Variants in DAB2IP observed in about 807,000 individuals in gnomAD.
DAB2IP encodes DAB2 interacting protein, also known as disabled homolog 2-interacting protein.
Under a neutral mutation model 107.2 loss-of-function variants are expected in DAB2IP, and 28 were observed. The ratio of observed to expected loss-of-function variants is 0.26; its 90% CI spans 0.19 to 0.36. The LOEUF is 0.36. Among genes scored for constraint, DAB2IP ranks in the 10% least tolerant of loss-of-function variants. DAB2IP has a pLI of 1.00. For missense variants in DAB2IP, 1,400 were observed against 1,644.7 expected (o/e 0.85, Z 2.57); for synonymous variants, 755 against 706.4 (o/e 1.07, Z -1.09).
At chr9:121,693,864 C>T (rs1276579828) in intron 2 of DAB2IP, among the ~76,000 whole-genome samples, 2 of 152,192 alleles carry the variant, frequency 1.3e-5, no homozygotes, top group Admixed American at 6.5e-5. Flanking sequence ...CTCAGTGCTT[C>T]GTATTCAGTT....
chr9:121,617,006 T>A (rs576959111), intron 1 of DAB2IP, among the ~76,000 whole-genome samples: 1 of 152,042 alleles, frequency 6.6e-6, no homozygotes, highest in Admixed American at 6.5e-5. Flanking sequence ...GGGGCCTGGG[T>A]GACTGGAGAG....
intron 1 of DAB2IP, among the ~76,000 whole-genome samples, chr9:121,629,479 G>T (rs1359394952): frequency 6.6e-6 from 1 of 152,218 alleles, no homozygotes. Flanking sequence ...AGAGGGTGGT[G>T]GTGGGTATGG....
At chr9:121,774,442 G>A in intron 13 of DAB2IP, 30 bp downstream of exon 13, 1 of 1,565,674 alleles carries the variant, frequency 6.4e-7, no homozygotes, top group East Asian at 2.3e-5. Flanking sequence ...GCTCGGGACA[G>A]GGCGGGGCTG....
intron 1 of DAB2IP, among the ~76,000 whole-genome samples, chr9:121,580,294 T>G (rs1830162079): frequency 6.6e-6 from 1 of 152,122 alleles, no homozygotes; most frequent in Admixed American, 6.5e-5. Context: ...GGGAAGAGCT[T>G]AGAACAGGCA....
At chr9:121,642,177 C>G (rs1589442932) in intron 1 of DAB2IP, among the ~76,000 whole-genome samples, 1 of 150,936 alleles carries the variant, frequency 6.6e-6, no homozygotes, top group Non-Finnish European at 1.5e-5. Flanking sequence ...ACCTCCCTGG[C>G]TCAAGCAATC....
rs148057676 is a variant in DAB2IP, at chr9:121,667,585, G to A, written c.125-11093G>A. ...AGCTCACTGCAACCTCTGCCTGCCA[G>A]GTTCAAATGATTCTCCTGCCTCAGC... On this transcript the variant is annotated intron_variant, in intron 1 of 15. Coordinates refer to ENST00000408936, the Ensembl canonical transcript of DAB2IP. Among the ~76,000 whole-genome samples, 642 of 152,150 alleles carry A rather than the reference G, an allele frequency of 4.2e-3. 3 individuals are homozygous for A. Among genetic ancestry groups the A allele is most frequent in the African/African-American group, 0.015 (611 of 41,518 alleles).
chr9:121,581,523 C>T (rs573196230), intron 1 of DAB2IP, among the ~76,000 whole-genome samples: 10 of 152,272 alleles, frequency 6.6e-5, no homozygotes, highest in South Asian at 4.1e-4. Flanking sequence ...GGCTGGAAAA[C>T]GTAGCCCCAT....
intron 1 of DAB2IP, among the ~76,000 whole-genome samples, chr9:121,644,064 G>A (rs1006273479): frequency 3.9e-5 from 6 of 151,962 alleles, no homozygotes; most frequent in African/African-American, 1.2e-4. Flanking sequence ...CTAGCTGCTC[G>A]GGAGGCTGAG....
intron 6 of DAB2IP, 111 bp from the exon 7 acceptor site, chr9:121,763,394 G>A: frequency 1.4e-6 from 2 of 1,439,800 alleles, no homozygotes; most frequent in Non-Finnish European, 1.9e-6. Context: ...CCGCAGCTTG[G>A]TGATGGAACA....
chr9:121,669,095 T>C (rs1264386431), intron 1 of DAB2IP, among the ~76,000 whole-genome samples: 1 of 152,024 alleles, frequency 6.6e-6, no homozygotes, highest in Non-Finnish European at 1.5e-5. Context: ...TTTGTATTTT[T>C]AGTAGAGACA....
intron 3 of DAB2IP, chr9:121,737,639 G>C (rs1832022702): frequency 2.0e-6 from 2 of 985,466 alleles, no homozygotes; most frequent in Non-Finnish European, 2.4e-6. Context: ...TCGGAAGCCA[G>C]ATCTGGCTCC....
At chr9:121,676,911 AG>A (rs989866680) in intron 1 of DAB2IP, among the ~76,000 whole-genome samples, 3 of 152,244 alleles carry the variant, frequency 2.0e-5, no homozygotes, top group Non-Finnish European at 4.4e-5. Flanking sequence ...GAAAGTGGCC[AG>A]GTTGGCAGGT....
intron 1 of DAB2IP, among the ~76,000 whole-genome samples, chr9:121,596,619 C>A (rs559609421): frequency 6.6e-6 from 1 of 150,958 alleles, no homozygotes; most frequent in Non-Finnish European, 1.5e-5. Context: ...AATTTCTAAT[C>A]ATTTATTTTT....
chr9:121,636,259 C>T (rs1209613355), intron 1 of DAB2IP, among the ~76,000 whole-genome samples: 1 of 152,168 alleles, frequency 6.6e-6, no homozygotes, highest in Non-Finnish European at 1.5e-5. Flanking sequence ...GGTCACCCCC[C>T]TACCCCTGGC....
At chr9:121,576,658 A>G (rs945198608) in intron 1 of DAB2IP, among the ~76,000 whole-genome samples, 1 of 152,136 alleles carries the variant, frequency 6.6e-6, no homozygotes, top group Non-Finnish European at 1.5e-5. Flanking sequence ...CTGGGTGGGT[A>G]AAGAAAGAAG....
exon 5 of DAB2IP, chr9:121,758,952 G>T (rs769297007): frequency 6.2e-7 from 1 of 1,613,738 alleles, no homozygotes; most frequent in Non-Finnish European, 8.5e-7. Context: ...AGCTGAGCGG[G>T]ATAAGTGGAT....
chr9:121,757,261 G>T, intron 4 of DAB2IP, 95 bp downstream of exon 4: 1 of 1,486,480 alleles, frequency 6.7e-7, no homozygotes, highest in East Asian at 2.4e-5. Flanking sequence ...GTCTGCTGTG[G>T]CCTCAGCAGG....
chr9:121,735,333 C>G (rs536183516), intron 3 of DAB2IP, among the ~76,000 whole-genome samples: 1 of 152,152 alleles, frequency 6.6e-6, no homozygotes, highest in African/African-American at 2.4e-5. Context: ...CAGGGACTTT[C>G]CAGGTTGGGG....
intron 1 of DAB2IP, among the ~76,000 whole-genome samples, chr9:121,642,016 TCTCTCTCTCTCTC>T (rs1832348842): frequency 2.7e-4 from 8 of 29,440 alleles, no homozygotes; most frequent in African/African-American, 1.2e-3. Flanking sequence ...TCTCTCTCTC[TCTCTCTCTCTCTC>T]TCTTTCTTTC....
Sources: allele counts gnomAD v4.1 joint callset (sites outside exome capture counted in the v4.1 genomes callset), GRCh38; gene constraint gnomAD v4.1.1; transcripts MANE v1.5; gene names NCBI Gene and HGNC (gene_info 2026-07-23, HGNC 2026-07-21).